SYNE1: variants seen among roughly 807,000 people sequenced by gnomAD.
SYNE1 encodes the protein nesprin-1.
Under a neutral mutation model 1,111.0 loss-of-function variants are expected in SYNE1, and 616 were observed. The ratio of observed to expected loss-of-function variants is 0.55; its 90% CI spans 0.52 to 0.59. The LOEUF (loss-of-function observed/expected upper bound fraction) is 0.59, where lower values mean the gene tolerates loss of function less well. Among genes scored for constraint, SYNE1 ranks in the 20% least tolerant of loss-of-function variants. The probability of loss-of-function intolerance (pLI) is 0.00; values close to 1 mark genes in which losing one functional copy is unlikely to be tolerated. For synonymous variants in SYNE1, 3,855 were observed against 3,825.8 expected, an observed-to-expected ratio of 1.01 and a Z score of -0.28; for missense variants, 10,006 against 10,417.0, an observed-to-expected ratio of 0.96 and a Z score of 1.72.
chr6:152,204,891 A>G (rs2076206969), intron 126 of SYNE1, among the ~76,000 whole-genome samples: 1 of 152,200 alleles, frequency 6.6e-6, no homozygotes, highest in African/African-American at 2.4e-5. Context: ...ATCACATCAC[A>G]AATTTAAAAA....
At chr6:152,320,149 C>T (rs950055731) in intron 84 of SYNE1, 9 of 151,940 alleles carry the variant, frequency 5.9e-5, no homozygotes, top group Non-Finnish European at 1.3e-4. Flanking sequence ...CAGAGCGAGA[C>T]TCTGTCTCAA....
chr6:152,368,768 C>T, intron 61 of SYNE1: 1 of 641,464 alleles, frequency 1.6e-6, no homozygotes, highest in African/African-American at 1.8e-5. Flanking sequence ...TCGGCCTTTT[C>T]AGAGAGCCAC....
chr6:152,307,756 T>C (rs868722437), intron 91 of SYNE1, among the ~76,000 whole-genome samples: 3 of 152,188 alleles, frequency 2.0e-5, no homozygotes, highest in African/African-American at 2.4e-5. Context: ...GTAAACAACC[T>C]GGACCATCCT....
At chr6:152,398,921 T>C (rs1456324406) in intron 48 of SYNE1, among the ~76,000 whole-genome samples, 190 bp from the exon 49 acceptor site, 1 of 152,206 alleles carries the variant, frequency 6.6e-6, no homozygotes, top group East Asian at 1.9e-4. Context: ...CCATGAATGT[T>C]CATGGTAGAA....
Position 152,488,510 on chromosome 6 carries a change from A to T in SYNE1, c.940-7T>A. ...AAATTACTCTGTCTTCTCTCTGGAA[A>T]TGAGGAGACATTACAATTTTATTAG... is the stretch of plus-strand genomic sequence containing the variant. On this transcript the variant is annotated splice_region_variant and splice_polypyrimidine_tract_variant and intron_variant, in intron 11 of 145. Transcript: ENST00000367255. The T allele has an allele frequency of 7.1e-7, 1 of 1,411,530 alleles. No homozygotes were observed. Among genetic ancestry groups the T allele is most frequent in the Non-Finnish European group, 1.0e-6 (1 of 1,000,072 alleles). 87.4% of individuals were successfully genotyped at this position (1,411,530 alleles called of 1,614,324 possible).
Position 152,430,698 on chromosome 6 carries a change from C to T in SYNE1, c.4473G>A (p.Gln1491=), listed in dbSNP as rs772971126. 1.2e-6 allele frequency: 2 copies of T among 1,613,962 alleles called. No individual in the cohort carries two copies. The highest frequency in any genetic ancestry group is 8.5e-7 in the Non-Finnish European group (1 of 1,179,936). Residue 1491 remains glutamine (Q), a synonymous_variant, in exon 35 of 146, where the codon CAG becomes CAA. Transcript: ENST00000367255. ...TGCTGCTGAGCTTACTTTCTATTTC[C>T]TGAATTGTGACCTAATAGTTAAAAC... ...MQISQIKVTI[Q]EIESKLSSIV...
chr6:152,411,731 C>CGCCAACACA (rs60807760), intron 42 of SYNE1, among the ~76,000 whole-genome samples: 1 of 149,474 alleles, frequency 6.7e-6, no homozygotes, highest in Non-Finnish European at 1.5e-5. Flanking sequence ...ACACACACCC[C>CGCCAACACA]CACACACACA....
chr6:152,145,240 G>A (rs2059264425), intron 137 of SYNE1: 1 of 544,240 alleles, frequency 1.8e-6, no homozygotes, highest in Non-Finnish European at 3.3e-6. Flanking sequence ...GACATGAGAG[G>A]TCTATACCTA....
rs553532025 is a variant in SYNE1 at position 152,141,376 on chromosome 6, G to C, written c.25120-47C>G. On this transcript the variant is annotated intron_variant, in intron 138 of 145. Transcript: ENST00000367255. ...GCCCCTGTCACCCAAATCTTCATGAGTGCAAAAGCTTCCGGGGAAAATCTC... is the reference window on the plus strand; with the variant it reads ...GCCCCTGTCACCCAAATCTTCATGACTGCAAAAGCTTCCGGGGAAAATCTC... 8.7e-6 allele frequency: 14 copies of C among 1,611,322 alleles called. No individual in the cohort carries two copies. In the African/African-American group the frequency reaches 1.2e-4, roughly 14 times the overall value.
chr6:152,385,440 G>A (rs2097511141), intron 55 of SYNE1, among the ~76,000 whole-genome samples: 1 of 152,118 alleles, frequency 6.6e-6, no homozygotes, highest in South Asian at 2.1e-4. Flanking sequence ...TCATATTACG[G>A]CAACAAGCAC....
intron 130 of SYNE1, among the ~76,000 whole-genome samples, chr6:152,174,959 C>T (rs982439914): frequency 1.3e-5 from 2 of 152,156 alleles, no homozygotes; most frequent in Non-Finnish European, 2.9e-5. Context: ...TTCGGGAGGC[C>T]GAGGCGGGTG....
At chr6:152,375,736 G>C (rs1355915363) in intron 58 of SYNE1, among the ~76,000 whole-genome samples, 1 of 152,184 alleles carries the variant, frequency 6.6e-6, no homozygotes, top group African/African-American at 2.4e-5. Context: ...AATGGTTGTT[G>C]TGAAAATTAA....
intron 106 of SYNE1, among the ~76,000 whole-genome samples, chr6:152,244,152 T>G (rs1258788062): frequency 6.6e-6 from 1 of 152,192 alleles, no homozygotes; most frequent in Non-Finnish European, 1.5e-5. Context: ...ATTATTTGCT[T>G]TTTAAAATAG....
intron 6 of SYNE1, among the ~76,000 whole-genome samples, chr6:152,512,968 T>G (rs143010544): frequency 1.7e-3 from 255 of 152,308 alleles, no homozygotes; most frequent in South Asian, 6.6e-3. Flanking sequence ...TTGAGCCAGA[T>G]GTTCTCAAAG....
rs570913888 is a variant in SYNE1 at position 152,453,390 on chromosome 6, A to C, written c.3027+196T>G. The stretch of plus-strand genomic sequence containing the variant: ...GTAATAGGATAAAATTGATGCTGAT[A>C]ATAAATAGGAATAACACAATTCTAT... On this transcript the variant is annotated intron_variant, in intron 25 of 145. Transcript: ENST00000367255. 6.3e-4 allele frequency: 470 copies of C among 745,060 alleles called. 5 individuals carry two copies. In the South Asian group the frequency reaches 7.2e-3, roughly 11 times the overall value. The allele number at this position is 745,060 out of a possible 1,614,324, so 46.2% of individuals were successfully genotyped here.
chr6:152,159,998 C>A (rs2062128962), intron 131 of SYNE1, among the ~76,000 whole-genome samples: 2 of 151,954 alleles, frequency 1.3e-5, no homozygotes, highest in Non-Finnish European at 2.9e-5. Flanking sequence ...ACAAAATATA[C>A]TATGGTTATG....
chr6:152,353,510 A>C (rs2096778532), intron 68 of SYNE1, 77 bp from the exon 69 acceptor site: 1 of 1,613,494 alleles, frequency 6.2e-7, no homozygotes, highest in Non-Finnish European at 8.5e-7. Context: ...ATGTATCTTC[A>C]CTGGATGTTA....
intron 3 of SYNE1, among the ~76,000 whole-genome samples, chr6:152,567,095 A>G (rs746702998): frequency 2.4e-4 from 36 of 151,256 alleles, no homozygotes; most frequent in Non-Finnish European, 4.7e-4. Context: ...TGCACCTGTT[A>G]ACTGCTGTTT....
chr6:152,592,256 C>T (rs2099569092), intron 3 of SYNE1, among the ~76,000 whole-genome samples: 1 of 152,110 alleles, frequency 6.6e-6, no homozygotes. Flanking sequence ...CAAAAAGACA[C>T]ATGCACTCAT....
Sources: gnomAD v4.1 joint callset for allele counts (sites outside exome capture counted in the v4.1 genomes callset) on GRCh38, gnomAD v4.1.1 for gene constraint, MANE v1.5 for transcripts, NCBI Gene and HGNC (gene_info 2026-07-23, HGNC 2026-07-21) for gene names.